Variants in EPB41L4A observed in about 807,000 individuals in gnomAD.
EPB41L4A encodes band 4.1-like protein 4A.
EPB41L4A carries 100 observed loss-of-function variants against 108.6 expected under a neutral mutation model. That is an observed-to-expected ratio of 0.92 (90% CI 0.78 to 1.09). The LOEUF is 1.09. Ranked by LOEUF, EPB41L4A falls within the 50% of genes least tolerant of loss-of-function variation. The probability of loss-of-function intolerance (pLI) is 0.00; values close to 1 mark genes in which losing one functional copy is unlikely to be tolerated. For synonymous variants in EPB41L4A, 319 were observed against 289.0 expected, an observed-to-expected ratio of 1.10 and a Z score of -1.05; for missense variants, 1,030 against 842.7, an observed-to-expected ratio of 1.22 and a Z score of -2.75.
chr5:112,252,401 C>T (rs956389680), intron 9 of EPB41L4A, among the ~76,000 whole-genome samples: 1 of 152,022 alleles, frequency 6.6e-6, no homozygotes, highest in Non-Finnish European at 1.5e-5. Flanking sequence ...CAGAGCTCCT[C>T]GGAAGAATGG....
chr5:112,190,703 T>A (rs991285338), intron 17 of EPB41L4A, among the ~76,000 whole-genome samples: 2 of 152,168 alleles, frequency 1.3e-5, no homozygotes, highest in African/African-American at 2.4e-5. Flanking sequence ...TGTTATAGCA[T>A]ACCTCCCCCC....
chr5:112,357,125 T>G (rs1468280832), intron 1 of EPB41L4A, among the ~76,000 whole-genome samples: 2 of 152,186 alleles, frequency 1.3e-5, no homozygotes, highest in Non-Finnish European at 2.9e-5. Context: ...ATCCAATCAG[T>G]TGAATCCAAC....
At position 112,361,944 on chromosome 5, in the gene EPB41L4A, G is replaced by T. The variant is rs533583444; in HGVS notation, c.100-54454C>A. On this transcript the variant is annotated intron_variant, in intron 1 of 22. Transcript: ENST00000261486. The stretch of plus-strand genomic sequence containing the variant: ...AAATAAGAGAATCTAATTCTAAAAA[G>T]TCTTATGTTAGCCTTTTTCCTTCCT... Among the ~76,000 whole-genome samples, 3 of 152,162 alleles carry T rather than the reference G, an allele frequency of 2.0e-5. No individual in the cohort carries two copies. In the South Asian group the frequency reaches 6.2e-4, roughly 32 times the overall value.
intron 1 of EPB41L4A, among the ~76,000 whole-genome samples, chr5:112,365,991 G>A (rs1253769766): frequency 6.6e-6 from 1 of 152,160 alleles, no homozygotes; most frequent in African/African-American, 2.4e-5. Flanking sequence ...CCCTATGCTG[G>A]GAAGAGAGTA....
At chr5:112,248,637 T>C (rs1430091065) in intron 9 of EPB41L4A, among the ~76,000 whole-genome samples, 1 of 152,174 alleles carries the variant, frequency 6.6e-6, no homozygotes, top group Non-Finnish European at 1.5e-5. Context: ...CTGTATTATA[T>C]CAGCAAATTT....
Position 112,205,504 on chromosome 5 carries a change from G to C in EPB41L4A, c.1179C>G (p.Ser393Arg), listed in dbSNP as rs1762430104. 6.3e-7 allele frequency: 1 copy of C among 1,593,910 alleles called. No homozygotes were observed. Among genetic ancestry groups the C allele is most frequent in the East Asian group, 2.2e-5 (1 of 44,722 alleles). The change falls in exon 14 of 23, where the codon AGC becomes AGG. Residue 393 changes from serine (S) to arginine (R), a missense_variant and splice_region_variant. Coordinates refer to ENST00000261486, the MANE Select transcript of EPB41L4A (RefSeq NM_022140.5). ...TATTTTCATTCTTTGCTTTCTTAAAGCTTTAATTTTAAAAAAAAGTATGAG... is the reference window on the plus strand; with the variant it reads ...TATTTTCATTCTTTGCTTTCTTAAACCTTTAATTTTAAAAAAAAGTATGAG... The part of the protein sequence containing the change: ...IKIIAPSPVK[S>R]FKKAKNENSP...
intron 1 of EPB41L4A, among the ~76,000 whole-genome samples, chr5:112,345,834 GC>G (rs757230010): frequency 2.7e-4 from 41 of 149,932 alleles, no homozygotes; most frequent in Admixed American, 7.3e-4. Context: ...CACACATAAA[GC>G]CCCAGCAACC....
intron 15 of EPB41L4A, among the ~76,000 whole-genome samples, chr5:112,198,979 T>A (rs1674078914): frequency 6.6e-6 from 1 of 152,188 alleles, no homozygotes; most frequent in African/African-American, 2.4e-5. Flanking sequence ...AATGCTCAAA[T>A]GCAGGCGTTC....
At chr5:112,186,015 CT>C (rs968857383) in intron 17 of EPB41L4A, among the ~76,000 whole-genome samples, 1 of 152,108 alleles carries the variant, frequency 6.6e-6, no homozygotes, top group Non-Finnish European at 1.5e-5. Context: ...AGGTGCTGCG[CT>C]GGCAAGGTGG....
intron 2 of EPB41L4A, among the ~76,000 whole-genome samples, chr5:112,296,818 C>T (rs1754015611): frequency 6.6e-6 from 1 of 151,986 alleles, no homozygotes. Flanking sequence ...CCTTTGCATC[C>T]TCATAGCTTA....
chr5:112,223,975 G>A (rs1008729485), intron 12 of EPB41L4A, among the ~76,000 whole-genome samples: 7 of 152,098 alleles, frequency 4.6e-5, no homozygotes, highest in Admixed American at 1.3e-4. Context: ...CTTTTGAGAC[G>A]GAGTCTTACT....
chr5:112,353,415 T>C (rs1758172709), intron 1 of EPB41L4A, among the ~76,000 whole-genome samples: 1 of 151,942 alleles, frequency 6.6e-6, no homozygotes, highest in Non-Finnish European at 1.5e-5. Context: ...ACATGGACAA[T>C]GGAAGCAGTG....
At chr5:112,334,094 G>T (rs77725654) in intron 1 of EPB41L4A, among the ~76,000 whole-genome samples, 2,368 of 152,114 alleles carry the variant, frequency 0.016, 73 homozygotes, top group African/African-American at 0.055. Flanking sequence ...TCCTCCCTTT[G>T]GAGTTCAGGC....
At chr5:112,418,898 G>A in intron 1 of EPB41L4A, 43 bp downstream of exon 1, 3 of 1,515,378 alleles carry the variant, frequency 2.0e-6, no homozygotes, top group Non-Finnish European at 2.7e-6. Context: ...CCCCGCACCC[G>A]CCCTGCCGCC....
At chr5:112,182,888 T>TA (rs140503509) in intron 18 of EPB41L4A, among the ~76,000 whole-genome samples, 8 of 150,142 alleles carry the variant, frequency 5.3e-5, no homozygotes, top group African/African-American at 1.7e-4. Flanking sequence ...ATTAGGTTGC[T>TA]AAAAAAAAAT....
In EPB41L4A at chr5:112,209,880, A is replaced by G. The variant is rs1157380709; in HGVS notation, c.1178+12T>C. 5 of 1,536,136 alleles carry G rather than the reference A, an allele frequency of 3.3e-6. No individual in the cohort carries two copies. Among genetic ancestry groups the G allele is most frequent in the Non-Finnish European group, 4.5e-6 (5 of 1,115,450 alleles). On this transcript the variant is annotated intron_variant, in intron 13 of 22. Coordinates refer to ENST00000261486, the MANE Select transcript of EPB41L4A (RefSeq NM_022140.5). ...CATATAATTGTACGTTTCTTCAGTT[A>G]ACTTCACTGACCTTTTTACTGGTGA...
chr5:112,349,805 G>C (rs569212632), intron 1 of EPB41L4A, among the ~76,000 whole-genome samples: 1 of 152,198 alleles, frequency 6.6e-6, no homozygotes, highest in Non-Finnish European at 1.5e-5. Flanking sequence ...CAGGCAGAGA[G>C]GGTGACATTT....
chr5:112,361,554 G>C (rs1001146159), intron 1 of EPB41L4A, among the ~76,000 whole-genome samples: 6 of 125,262 alleles, frequency 4.8e-5, no homozygotes, highest in Admixed American at 8.4e-5. Flanking sequence ...AAAAGAAAAA[G>C]GGATATCATT....
intron 1 of EPB41L4A, among the ~76,000 whole-genome samples, chr5:112,328,444 C>T (rs989465975): frequency 2.6e-5 from 4 of 152,122 alleles, no homozygotes; most frequent in African/African-American, 9.7e-5. Context: ...TATCTGATAA[C>T]CACTTTTCCA....
Sources: allele counts gnomAD v4.1 joint callset (sites outside exome capture counted in the v4.1 genomes callset), GRCh38; gene constraint gnomAD v4.1.1; transcripts MANE v1.5; gene names NCBI Gene and HGNC (gene_info 2026-07-23, HGNC 2026-07-21).